UTS2B: variants seen among roughly 807,000 people sequenced by gnomAD.
UTS2B encodes the protein urotensin 2B.
A neutral mutation model predicts 19.2 loss-of-function variants in UTS2B; 21 were observed. That is an observed-to-expected ratio of 1.09 (90% CI 0.78 to 1.58). The LOEUF is 1.58. Ranked by LOEUF, UTS2B falls within the 40% of genes most tolerant of loss-of-function variation. UTS2B has a pLI of 0.00. For missense variants in UTS2B, 138 were observed against 130.3 expected, an observed-to-expected ratio of 1.06 and a Z score of -0.29; for synonymous variants, 57 against 50.2, an observed-to-expected ratio of 1.14 and a Z score of -0.58.
At chr3:191,299,975 A>G (rs1370336912) in intron 4 of UTS2B, among the ~76,000 whole-genome samples, 1 of 152,170 alleles carries the variant, frequency 6.6e-6, no homozygotes, top group Non-Finnish European at 1.5e-5. Flanking sequence ...TGACTGCCCC[A>G]TTGGCTTTCA....
intron 3 of UTS2B, among the ~76,000 whole-genome samples, chr3:191,315,013 ATTT>A (rs796258238): frequency 0.012 from 1,670 of 143,508 alleles, 18 homozygotes; most frequent in Non-Finnish European, 0.017. Context: ...CCACCCTAGA[ATTT>A]TTTTTTTTTT....
Position 191,268,458 on chromosome 3 carries a change from AATACATTTTTTATTAGAAGTAT to A in UTS2B, c.335-39_335-18del. 6.5e-7 allele frequency: 1 copy of A among 1,532,918 alleles called. No individual in the cohort carries two copies. The highest frequency in any genetic ancestry group is 8.9e-7 in the Non-Finnish European group (1 of 1,119,250). The allele number at this position is 1,532,918 out of a possible 1,614,324, so 95.0% of individuals were successfully genotyped here. On this transcript the variant is annotated intron_variant, in intron 8 of 8. Transcript: ENST00000340524. ...AAAAGCAAGCTAAAGAAGAAAACAA[AATACATTTTTTATTAGAAGTAT>A]ATTTGATAAAACTTGCTCTTGAATC...
chr3:191,302,162 G>A (rs572549243), intron 4 of UTS2B, among the ~76,000 whole-genome samples: 13 of 152,202 alleles, frequency 8.5e-5, no homozygotes, highest in Middle Eastern at 3.4e-3. Context: ...AGTCACCTCC[G>A]GCCATCCTCA....
At chr3:191,273,595 G>GTGCTA (rs1716150391) in intron 8 of UTS2B, 1 of 456,230 alleles carries the variant, frequency 2.2e-6, no homozygotes. Flanking sequence ...GTGCTGTGCT[G>GTGCTA]CAAGCATTGG....
chr3:191,330,325 ACAC>A (rs1717933874), intron 1 of UTS2B, 86 bp downstream of exon 1: 1 of 149,948 alleles, frequency 6.7e-6, no homozygotes, highest in Non-Finnish European at 1.5e-5. Flanking sequence ...ACACACACAC[ACAC>A]AATAGTGAGC....
chr3:191,301,561 G>A (rs1717000825), intron 4 of UTS2B, among the ~76,000 whole-genome samples: 1 of 136,736 alleles, frequency 7.3e-6, no homozygotes. Context: ...ATCTCGGCTT[G>A]CTGCAAGCTC....
chr3:191,339,703 CTTTTAGT>C, the UTS2B span, among the ~76,000 whole-genome samples: 5 of 152,264 alleles, frequency 3.3e-5, no homozygotes, highest in Admixed American at 1.3e-4. Context: ...CCAGGAAAAC[CTTTTAGT>C]AAATGTTACA....
At chr3:191,319,257 G>T (rs539424812) in intron 2 of UTS2B, among the ~76,000 whole-genome samples, 2 of 152,238 alleles carry the variant, frequency 1.3e-5, no homozygotes, top group South Asian at 4.1e-4. Flanking sequence ...CTGGCTCCAC[G>T]TTGACTCACT....
the UTS2B span, among the ~76,000 whole-genome samples, chr3:191,340,653 G>C: frequency 2.0e-5 from 3 of 152,276 alleles, no homozygotes; most frequent in African/African-American, 7.2e-5. Context: ...AGCTGAAAAA[G>C]TTTGGAGTGG....
chr3:191,328,692 T>A lies in UTS2B; in HGVS notation c.-647A>T, dbSNP rs1717820108. On this transcript the variant is annotated 5_prime_UTR_variant, in exon 2 of 9. Coordinates refer to ENST00000340524, the MANE Select transcript of UTS2B (RefSeq NM_198152.5). ...GAGGATGCATTCTGTTGCCAGGAGA[T>A]GAAACAGGAGAGGTTGTCTATTTTA... 1.3e-5 allele frequency: 2 copies of A among 152,134 alleles called. No homozygotes were observed. The highest frequency in any genetic ancestry group is 1.3e-4 in the Admixed American group (2 of 15,254). 9.4% of individuals were successfully genotyped at this position (152,134 alleles called of 1,614,324 possible).
intron 3 of UTS2B, among the ~76,000 whole-genome samples, chr3:191,315,134 T>C (rs886736048): frequency 5.9e-5 from 9 of 151,970 alleles, no homozygotes; most frequent in African/African-American, 1.9e-4. Flanking sequence ...TGCCTCAGCC[T>C]CCCGAGTAGC....
chr3:191,318,581 C>T (rs1022680167), intron 2 of UTS2B, among the ~76,000 whole-genome samples: 2 of 152,192 alleles, frequency 1.3e-5, no homozygotes, highest in Non-Finnish European at 2.9e-5. Flanking sequence ...GTGATGCTCC[C>T]ACCTCAGCCT....
chr3:191,275,148 C>A, intron 8 of UTS2B, 104 bp downstream of exon 8: 1 of 800,024 alleles, frequency 1.2e-6, no homozygotes, highest in South Asian at 1.8e-5. Context: ...TATTGGTCAC[C>A]ACCATAAGAT....
intron 5 of UTS2B, among the ~76,000 whole-genome samples, chr3:191,278,396 T>C (rs1167692119): frequency 4.6e-5 from 7 of 151,862 alleles, no homozygotes; most frequent in Admixed American, 4.6e-4. Context: ...TACCTGGAGG[T>C]TGCACCCTAA....
chr3:191,309,611 T>C (rs969006763), intron 3 of UTS2B, among the ~76,000 whole-genome samples: 3 of 152,078 alleles, frequency 2.0e-5, no homozygotes, highest in Non-Finnish European at 4.4e-5. Flanking sequence ...TTGTTGGAGG[T>C]GGGGTCTGGT....
At chr3:191,285,949 C>A (rs1716532462) in intron 4 of UTS2B, among the ~76,000 whole-genome samples, 1 of 151,702 alleles carries the variant, frequency 6.6e-6, no homozygotes, top group South Asian at 2.1e-4. Context: ...ATATTCCATG[C>A]AAATGAATAA....
upstream of UTS2B, among the ~76,000 whole-genome samples, chr3:191,331,648 A>G (rs1057070206): frequency 1.3e-5 from 2 of 152,212 alleles, no homozygotes; most frequent in African/African-American, 2.4e-5. Flanking sequence ...TTCTAGTTCC[A>G]AGATCATCAA....
rs1427302117 is a variant in UTS2B at position 191,268,273 on chromosome 3, T to C, written c.*143A>G. On this transcript the variant is annotated 3_prime_UTR_variant, in exon 9 of 9. Transcript: ENST00000340524. The stretch of plus-strand genomic sequence containing the variant: ...GGCATTGTCTTTACACAATCCCGCA[T>C]GCAATTTTGTATTTACAATAATCAG... 2 of 622,118 alleles carry C rather than the reference T, an allele frequency of 3.2e-6. No homozygotes were observed. The highest frequency in any genetic ancestry group is 5.3e-6 in the Non-Finnish European group (2 of 376,292). 38.5% of individuals were successfully genotyped at this position (622,118 alleles called of 1,614,324 possible).
At chr3:191,284,210 G>T (rs559703608) in intron 4 of UTS2B, among the ~76,000 whole-genome samples, 21 of 150,600 alleles carry the variant, frequency 1.4e-4, no homozygotes, top group African/African-American at 4.4e-4. Flanking sequence ...TTTAAAAAGT[G>T]TTGATGTAAA....
Sources: allele counts gnomAD v4.1 joint callset (sites outside exome capture counted in the v4.1 genomes callset), GRCh38; gene constraint gnomAD v4.1.1; transcripts MANE v1.5; gene names NCBI Gene and HGNC (gene_info 2026-07-23, HGNC 2026-07-21).